CDH13: variants seen among roughly 807,000 people sequenced by gnomAD.
The protein encoded by CDH13 is cadherin-13.
In CDH13, 24 loss-of-function variants were observed where a neutral mutation model predicts 63.8. The ratio of observed to expected loss-of-function variants is 0.38; its 90% CI spans 0.27 to 0.53. The LOEUF (loss-of-function observed/expected upper bound fraction) is 0.53, where lower values mean the gene tolerates loss of function less well. Among genes scored for constraint, CDH13 ranks in the 20% least tolerant of loss-of-function variants. The pLI is 0.85. For missense variants in CDH13, 1,049 were observed against 903.1 expected, an observed-to-expected ratio of 1.16 and a Z score of -2.07; for synonymous variants, 503 against 355.3, an observed-to-expected ratio of 1.42 and a Z score of -4.67.
At chr16:83,438,649 T>C (rs77435172) in intron 6 of CDH13, among the ~76,000 whole-genome samples, 3,268 of 152,366 alleles carry the variant, frequency 0.021, 132 homozygotes, top group African/African-American at 0.074. Flanking sequence ...TATTCAGCTC[T>C]TTTATACTAG....
chr16:82,932,878 A>G (rs993688676), intron 2 of CDH13, among the ~76,000 whole-genome samples: 2 of 152,224 alleles, frequency 1.3e-5, no homozygotes, highest in Non-Finnish European at 2.9e-5. Context: ...CTTTACTAGT[A>G]GAGAAGTTGA....
At chr16:82,753,782 T>G (rs2169447) in intron 1 of CDH13, among the ~76,000 whole-genome samples, 94,946 of 152,034 alleles carry the variant, frequency 0.62, 29,945 homozygotes, top group Middle Eastern at 0.7. Context: ...TGGGGCCCTT[T>G]ATTCTGTGGG....
chr16:83,110,914 C>T (rs139805806), intron 3 of CDH13, among the ~76,000 whole-genome samples: 107 of 149,628 alleles, frequency 7.2e-4, no homozygotes, highest in African/African-American at 2.6e-3. Flanking sequence ...TACTCAGCAA[C>T]CACCACAATG....
chr16:83,169,641 C>T (rs190978671), intron 4 of CDH13, among the ~76,000 whole-genome samples: 1 of 151,904 alleles, frequency 6.6e-6, no homozygotes, highest in East Asian at 1.9e-4. Context: ...GTGTTAATGG[C>T]TTCCCTATTG....
intron 4 of CDH13, among the ~76,000 whole-genome samples, chr16:83,127,819 A>T (rs2035877481): frequency 6.6e-6 from 1 of 152,060 alleles, no homozygotes; most frequent in Non-Finnish European, 1.5e-5. Context: ...ATCATTTTAA[A>T]CTCCCACTGT....
chr16:82,951,515 A>G (rs111230249), intron 2 of CDH13, among the ~76,000 whole-genome samples: 2 of 152,180 alleles, frequency 1.3e-5, no homozygotes, highest in Non-Finnish European at 2.9e-5. Context: ...GGCTTCATCT[A>G]AAAGAACCAC....
At chr16:83,140,806 C>T (rs1301709358) in intron 4 of CDH13, among the ~76,000 whole-genome samples, 3 of 152,136 alleles carry the variant, frequency 2.0e-5, no homozygotes, top group African/African-American at 7.2e-5. Flanking sequence ...CTGAAGAGCA[C>T]CTCACGATTT....
At chr16:83,131,879 C>G (rs2036069143) in intron 4 of CDH13, among the ~76,000 whole-genome samples, 1 of 152,170 alleles carries the variant, frequency 6.6e-6, no homozygotes, top group African/African-American at 2.4e-5. Context: ...TAAAGGGAAT[C>G]AACATTGATC....
intron 4 of CDH13, among the ~76,000 whole-genome samples, chr16:83,186,035 T>C (rs1432751470): frequency 6.6e-6 from 1 of 152,084 alleles, no homozygotes; most frequent in South Asian, 2.1e-4. Context: ...AGTCATTTAG[T>C]CATTAAATTA....
chr16:83,798,938 C>T lies in CDH13; in HGVS notation c.*3908C>T, dbSNP rs1435033546. 4 of 151,908 alleles carry T rather than the reference C, an allele frequency of 2.6e-5. No homozygotes were observed. The allele number at this position is 151,908 out of a possible 1,614,324, so 9.4% of individuals were successfully genotyped here. On this transcript the variant is annotated 3_prime_UTR_variant, in exon 14 of 14. Transcript: ENST00000567109. ...TAGAAATTTTTCCTGTGCAAGATAACGTAATTATTTGCCCCTTCCCTTCCA... is the reference window on the plus strand; with the variant it reads ...TAGAAATTTTTCCTGTGCAAGATAATGTAATTATTTGCCCCTTCCCTTCCA...
chr16:83,356,657 C>G (rs972542918), intron 6 of CDH13, among the ~76,000 whole-genome samples: 3 of 151,716 alleles, frequency 2.0e-5, no homozygotes, highest in Non-Finnish European at 2.9e-5. Context: ...TTTTTAAAGC[C>G]CTGAATAATT....
At chr16:82,863,665 C>T (rs1349477770) in intron 2 of CDH13, among the ~76,000 whole-genome samples, 2 of 152,104 alleles carry the variant, frequency 1.3e-5, no homozygotes, top group East Asian at 3.8e-4. Context: ...TTATTATTGT[C>T]CTTATAATTT....
chr16:83,213,807 A>G (rs2039408749), intron 4 of CDH13, among the ~76,000 whole-genome samples: 1 of 152,130 alleles, frequency 6.6e-6, no homozygotes, highest in Non-Finnish European at 1.5e-5. Context: ...TTCTTAGAAG[A>G]GGATGGTAAA....
At chr16:82,924,474 G>T (rs948353991) in intron 2 of CDH13, among the ~76,000 whole-genome samples, 1 of 152,160 alleles carries the variant, frequency 6.6e-6, no homozygotes, top group Non-Finnish European at 1.5e-5. Flanking sequence ...CGGTTTTCGG[G>T]CTTTTTCTCA....
chr16:83,381,075 T>C (rs192540012), intron 6 of CDH13, among the ~76,000 whole-genome samples: 86 of 152,314 alleles, frequency 5.6e-4, no homozygotes, highest in Non-Finnish European at 8.2e-4. Flanking sequence ...TCTGCAATTA[T>C]TGCTTTCTTG....
intron 4 of CDH13, among the ~76,000 whole-genome samples, chr16:83,154,433 G>A (rs1036738649): frequency 1.3e-5 from 2 of 151,868 alleles, no homozygotes; most frequent in African/African-American, 4.8e-5. Context: ...AAGGTGTGGT[G>A]GCATACACCT....
chr16:83,098,583 C>G (rs369769337), intron 3 of CDH13, among the ~76,000 whole-genome samples: 7 of 152,114 alleles, frequency 4.6e-5, no homozygotes, highest in East Asian at 1.9e-4. Context: ...CTGAAAAAGT[C>G]TTACTTTTGC....
At chr16:83,635,344 T>A (rs1343780525) in intron 8 of CDH13, among the ~76,000 whole-genome samples, 6 of 120,454 alleles carry the variant, frequency 5.0e-5, no homozygotes, top group African/African-American at 1.9e-4. Flanking sequence ...TTTTTTTTTT[T>A]TTTTTTTTTT....
intron 5 of CDH13, among the ~76,000 whole-genome samples, chr16:83,303,071 C>T (rs1400947908): frequency 6.6e-6 from 1 of 152,140 alleles, no homozygotes; most frequent in Non-Finnish European, 1.5e-5. Flanking sequence ...CACATGATGG[C>T]ATCAGAGAGA....
Sources: allele counts gnomAD v4.1 joint callset (sites outside exome capture counted in the v4.1 genomes callset), GRCh38; gene constraint gnomAD v4.1.1; transcripts MANE v1.5; gene names NCBI Gene and HGNC (gene_info 2026-07-23, HGNC 2026-07-21).